Variants in FAM222A observed in about 807,000 individuals in gnomAD.
FAM222A encodes protein FAM222A.
A neutral mutation model predicts 25.8 loss-of-function variants in FAM222A; 7 were observed. The ratio of observed to expected loss-of-function variants is 0.27; its 90% CI spans 0.15 to 0.51. FAM222A has a LOEUF of 0.51. Ranked by LOEUF, FAM222A falls within the 20% of genes least tolerant of loss-of-function variation. FAM222A has a pLI of 0.97. For missense variants in FAM222A, 573 were observed against 640.5 expected (o/e 0.89, Z 1.14); for synonymous variants, 294 against 298.8 (o/e 0.98, Z 0.17).
rs1032931989 is a variant in FAM222A at position 109,729,294 on chromosome 12, GA to G, written c.-47+14404del. On this transcript the variant is annotated intron_variant, in intron 1 of 2. Coordinates refer to ENST00000538780, the MANE Select transcript of FAM222A (RefSeq NM_032829.3). Reference sequence around the variant, plus strand: ...TTTTAAATGCAGCAAACAGGGCAAAGAAAAAAAGGTGTGGGCTGATTTGCAC... The same window carrying G: ...TTTTAAATGCAGCAAACAGGGCAAAGAAAAAAGGTGTGGGCTGATTTGCAC... 4.6e-5 allele frequency among the ~76,000 whole-genome samples: 7 copies of G among 152,248 alleles called. No homozygotes were observed. In the South Asian group the frequency reaches 1.4e-3, roughly 32 times the overall value.
intron 1 of FAM222A, among the ~76,000 whole-genome samples, chr12:109,717,069 G>A (rs2066406718): frequency 6.6e-6 from 1 of 152,200 alleles, no homozygotes; most frequent in Non-Finnish European, 1.5e-5. Context: ...GGGGTTTGGG[G>A]GACACTCCTA....
chr12:109,751,801 T>C (rs1888565780), intron 2 of FAM222A, among the ~76,000 whole-genome samples: 1 of 152,256 alleles, frequency 6.6e-6, no homozygotes, highest in Non-Finnish European at 1.5e-5. Flanking sequence ...AAGTGTTTGC[T>C]GCTGACTTTG....
At chr12:109,746,568 ACAT>A (rs1455125252) in intron 2 of FAM222A, among the ~76,000 whole-genome samples, 1 of 151,926 alleles carries the variant, frequency 6.6e-6, no homozygotes, top group Non-Finnish European at 1.5e-5. Flanking sequence ...GGATCTAAAT[ACAT>A]TCAAGTATCA....
At chr12:109,740,969 G>C (rs1012972135) in intron 1 of FAM222A, among the ~76,000 whole-genome samples, 5 of 152,234 alleles carry the variant, frequency 3.3e-5, no homozygotes, top group African/African-American at 1.2e-4. Context: ...AGGGGCAGAG[G>C]TCTGGAGGTG....
rs567100977 is a variant in FAM222A, at chr12:109,768,032, A to G, written c.103A>G (p.Met35Val). Residue 35 changes from methionine (M) to valine (V), a missense_variant, in exon 3 of 3, where the codon ATG becomes GTG. Met to Val is a conservative substitution (Grantham distance 21). This residue lies in a region of FAM222A where 112 missense variants were observed against 154.6 expected (regional missense o/e 0.72). Coordinates refer to ENST00000538780, the MANE Select transcript of FAM222A (RefSeq NM_032829.3). The part of the protein sequence containing the change: ...LRKCEAVASA[M>V]HSSRYPSPAE... ...CACAGGCGAGGCGGTGGCCAGCGCC[A>G]TGCATTCCTCCCGCTACCCGAGCCC... 80 of 1,613,500 alleles carry G rather than the reference A, an allele frequency of 5.0e-5. 1 individual carries two copies. In the South Asian group the frequency reaches 8.0e-4, roughly 16 times the overall value.
chr12:109,768,964 T>C lies in FAM222A; in HGVS notation c.1035T>C (p.Phe345=), dbSNP rs777135970. 5.1e-6 allele frequency: 8 copies of C among 1,570,802 alleles called. No individual in the cohort carries two copies. The highest frequency in any genetic ancestry group is 6.9e-6 in the Non-Finnish European group (8 of 1,163,468). Residue 345 remains phenylalanine (F), a synonymous_variant, in exon 3 of 3, where the codon TTT becomes TTC. Coordinates refer to ENST00000538780, the MANE Select transcript of FAM222A (RefSeq NM_032829.3). ...LPTSFTVGQY[F]AAPWNSVLVT... ...CCAGCTTCACCGTAGGCCAGTACTT[T>C]GCGGCCCCGTGGAACAGTGTGCTGG...
chr12:109,737,945 C>A (rs568920052), intron 1 of FAM222A, among the ~76,000 whole-genome samples: 129 of 152,020 alleles, frequency 8.5e-4, no homozygotes, highest in Admixed American at 3.3e-3. Flanking sequence ...ACTCTGGCTG[C>A]CTTGCTGAGA....
chr12:109,724,742 A>T (rs943668465), intron 1 of FAM222A, among the ~76,000 whole-genome samples: 1 of 151,960 alleles, frequency 6.6e-6, no homozygotes, highest in African/African-American at 2.4e-5. Context: ...TCTGCTTGTC[A>T]TCTCTCTTCC....
intron 2 of FAM222A, among the ~76,000 whole-genome samples, chr12:109,753,030 C>T (rs1888604503): frequency 1.3e-5 from 2 of 152,206 alleles, no homozygotes; most frequent in Admixed American, 1.3e-4. Context: ...CTCAACTGCT[C>T]AGGGCCTTCC....
intron 1 of FAM222A, among the ~76,000 whole-genome samples, chr12:109,733,856 C>T (rs952687821): frequency 6.6e-6 from 1 of 152,098 alleles, no homozygotes; most frequent in African/African-American, 2.4e-5. Flanking sequence ...CAGCCTGGGA[C>T]AGGGACAGTG....
intron 1 of FAM222A, among the ~76,000 whole-genome samples, chr12:109,732,614 C>T (rs182780649): frequency 5.3e-4 from 81 of 152,352 alleles, no homozygotes; most frequent in East Asian, 1.7e-3. Flanking sequence ...CTGTCACAGC[C>T]GTTTTTCTGC....
intron 1 of FAM222A, among the ~76,000 whole-genome samples, chr12:109,735,106 A>C (rs531019630): frequency 6.6e-6 from 1 of 152,304 alleles, no homozygotes; most frequent in East Asian, 1.9e-4. Flanking sequence ...GCTAAAAGCT[A>C]AGGCCAGCCC....
intron 2 of FAM222A, 152 bp from the exon 3 acceptor site, chr12:109,767,860 C>T: frequency 1.3e-6 from 1 of 776,454 alleles, no homozygotes; most frequent in South Asian, 1.9e-5. Context: ...CAGTTCCCTG[C>T]ACTTTACACT....
intron 2 of FAM222A, among the ~76,000 whole-genome samples, chr12:109,766,128 G>T (rs1278375476): frequency 6.6e-6 from 1 of 152,212 alleles, no homozygotes; most frequent in African/African-American, 2.4e-5. Context: ...CCACCTTGGA[G>T]ACCTGGCATG....
chr12:109,768,803 C>A lies in FAM222A; in HGVS notation c.874C>A (p.Pro292Thr). 6.4e-7 allele frequency: 1 copy of A among 1,571,136 alleles called. No individual in the cohort carries two copies. The highest frequency in any genetic ancestry group is 1.9e-4 in the Middle Eastern group (1 of 5,242). Residue 292 changes from proline (P) to threonine (T), a missense_variant, in exon 3 of 3, where the codon CCG (proline) becomes ACG (threonine). Pro to Thr is a conservative substitution (Grantham distance 38). Coordinates refer to ENST00000538780, the MANE Select transcript of FAM222A (RefSeq NM_032829.3). ...GLDYLLWPQK[P>T]PPPPPQPLRA... ...GGATTACCTGCTGTGGCCGCAGAAA[C>A]CGCCCCCACCGCCGCCCCAGCCACT...
In FAM222A at chr12:109,718,320, G is replaced by C. The variant is rs1367727829; in HGVS notation, c.-47+3423G>C. 6.4e-5 allele frequency among the ~76,000 whole-genome samples: 7 copies of C among 109,806 alleles called. No homozygotes were observed. The South Asian group carries it at 2.2e-3, about 34-fold the overall frequency. 72.0% of individuals were successfully genotyped at this position (109,806 alleles called of 152,430 possible). A position where few individuals can be genotyped will look rare whatever the true frequency, so the allele number is the denominator to read the frequency against. ...AGGCCCCCACCCACCCACCCACATG[G>C]TGAGCACCGGTGGCTCTTTTCTGAG... On this transcript the variant is annotated intron_variant, in intron 1 of 2. Coordinates refer to ENST00000538780, the MANE Select transcript of FAM222A (RefSeq NM_032829.3).
rs76040918 is a variant in FAM222A at position 109,732,519 on chromosome 12, A to G, written c.-46-11582A>G. On this transcript the variant is annotated intron_variant, in intron 1 of 2. Coordinates refer to ENST00000538780, the MANE Select transcript of FAM222A (RefSeq NM_032829.3). The stretch of plus-strand genomic sequence containing the variant: ...GCGGAGCAGCCGTTGTTCTGCACAC[A>G]TCTGATCCCGTCTTTTCCACATCAG... 4.6e-3 allele frequency among the ~76,000 whole-genome samples: 702 copies of G among 152,344 alleles called. 6 individuals are homozygous for G. The highest frequency in any genetic ancestry group is 0.016 in the African/African-American group (663 of 41,574).
At chr12:109,740,007 G>GC (rs1888195225) in intron 1 of FAM222A, among the ~76,000 whole-genome samples, 1 of 152,106 alleles carries the variant, frequency 6.6e-6, no homozygotes. Context: ...GCTCCCTGAC[G>GC]CCCCCTGCAG....
intron 1 of FAM222A, among the ~76,000 whole-genome samples, chr12:109,738,046 T>G: frequency 6.6e-6 from 1 of 151,758 alleles, no homozygotes; most frequent in South Asian, 2.1e-4. Context: ...AAGGGAGGCA[T>G]CAGGACAGGA....
Sources: gnomAD v4.1 joint callset for allele counts (sites outside exome capture counted in the v4.1 genomes callset) on GRCh38, gnomAD v4.1.1 for gene constraint, gnomAD v4.1.1 regional missense constraint, MANE v1.5 for transcripts, NCBI Gene and HGNC (gene_info 2026-07-23, HGNC 2026-07-21) for gene names.